GABBR2: variants seen among roughly 807,000 people sequenced by gnomAD.
The protein encoded by GABBR2 is G-protein coupled receptor 51.
Under a neutral mutation model 105.6 loss-of-function variants are expected in GABBR2, and 23 were observed. The observed-to-expected ratio is 0.22, with a 90% CI of 0.16 to 0.31. The LOEUF (loss-of-function observed/expected upper bound fraction) is 0.31. GABBR2 is among the 10% of genes least tolerant of loss of function. The pLI is 1.00. For synonymous variants in GABBR2, 478 were observed against 499.7 expected, an observed-to-expected ratio of 0.96 and a Z score of 0.58; for missense variants, 734 against 1,245.5, an observed-to-expected ratio of 0.59 and a Z score of 6.18.
rs890965993 is a variant in GABBR2, at chr9:98,388,658, T to TGC, written c.1529+195_1529+196insGC. ...GTGTGTGTGTGTGTGTGTGTGTGTG[T>TGC]GTGCGTGCACGCACACACACGTACT... On this transcript the variant is annotated intron_variant, in intron 10 of 18. Coordinates refer to ENST00000259455, the MANE Select transcript of GABBR2 (RefSeq NM_005458.8). The surrounding 1 kb of genome is among the most constrained non-coding windows in gnomAD (Gnocchi z 4.4). Among the ~76,000 whole-genome samples the TGC allele has an allele frequency of 4.4e-5, 6 of 135,766 alleles. No homozygotes were observed. Among genetic ancestry groups the TGC allele is most frequent in the African/African-American group, 1.7e-4 (6 of 36,284 alleles). The allele number at this position is 135,766 out of a possible 152,430, so 89.1% of individuals were successfully genotyped here.
At chr9:98,524,950 T>G (rs886626416) in intron 3 of GABBR2, among the ~76,000 whole-genome samples, 80 of 152,292 alleles carry the variant, frequency 5.3e-4, no homozygotes, top group African/African-American at 1.8e-3. Context: ...CCTGGAACAA[T>G]TGAATAGCTT....
intron 1 of GABBR2, among the ~76,000 whole-genome samples, chr9:98,701,387 T>C (rs1277575733): frequency 6.6e-6 from 1 of 152,142 alleles, no homozygotes; most frequent in Non-Finnish European, 1.5e-5. Flanking sequence ...TGCCCTCATA[T>C]TGGGGAGCTC....
In GABBR2 at chr9:98,660,325, A is replaced by G. The variant is rs74814252; in HGVS notation, c.321+48092T>C. Among the ~76,000 whole-genome samples the G allele has an allele frequency of 2.9e-3, 439 of 152,348 alleles. 8 individuals carry two copies. The East Asian group carries it at 0.039, about 13-fold the overall frequency. On this transcript the variant is annotated intron_variant, in intron 1 of 18. Transcript: ENST00000259455. ...CCAGAAAAGTTATATCAATTTACAC[A>G]ACACTTCCACCAGTATGAAAATACG...
chr9:98,389,546 C>T (rs1057177238), intron 9 of GABBR2, among the ~76,000 whole-genome samples: 2 of 152,246 alleles, frequency 1.3e-5, no homozygotes, highest in Admixed American at 6.5e-5. Context: ...CTCTATCTGG[C>T]TTTCTGTTTC....
At chr9:98,570,351 G>A (rs1408329184) in intron 2 of GABBR2, among the ~76,000 whole-genome samples, 2 of 152,358 alleles carry the variant, frequency 1.3e-5, no homozygotes, top group East Asian at 3.9e-4. Context: ...TCTGTGGGAT[G>A]CAGTTCTTGA....
At chr9:98,703,714 A>C (rs1051656822) in intron 1 of GABBR2, among the ~76,000 whole-genome samples, 1 of 150,978 alleles carries the variant, frequency 6.6e-6, no homozygotes, top group Non-Finnish European at 1.5e-5. Flanking sequence ...CTGGTCTTGA[A>C]CTCCTTGGCC....
At chr9:98,543,112 CCAGTT>C (rs1420820493) in intron 2 of GABBR2, among the ~76,000 whole-genome samples, 1 of 151,948 alleles carries the variant, frequency 6.6e-6, no homozygotes, top group Admixed American at 6.6e-5. Flanking sequence ...CTTTTAAGTG[CCAGTT>C]AAGTTGTTAA....
At chr9:98,413,304 G>C (rs1832622084) in intron 7 of GABBR2, among the ~76,000 whole-genome samples, 1 of 152,188 alleles carries the variant, frequency 6.6e-6, no homozygotes, top group Non-Finnish European at 1.5e-5. Flanking sequence ...CTTGTCAGGG[G>C]TTGCATAAAG....
chr9:98,490,013 A>C (rs1827142815), intron 4 of GABBR2, among the ~76,000 whole-genome samples: 1 of 152,188 alleles, frequency 6.6e-6, no homozygotes, highest in African/African-American at 2.4e-5. Context: ...GAATCACTTG[A>C]ACCCAGGAAG....
chr9:98,597,759 T>C (rs188300714), intron 1 of GABBR2, among the ~76,000 whole-genome samples: 117 of 151,844 alleles, frequency 7.7e-4, no homozygotes, highest in African/African-American at 2.6e-3. Context: ...AGGGGAAGGG[T>C]AGATGATTGG....
chr9:98,449,290 TC>T (rs1206735746), intron 7 of GABBR2, among the ~76,000 whole-genome samples: 1 of 152,198 alleles, frequency 6.6e-6, no homozygotes, highest in Non-Finnish European at 1.5e-5. Flanking sequence ...TAGCAATTGT[TC>T]CTCTACTTGT....
In GABBR2 at chr9:98,572,453, A is replaced by G. The variant is rs554176449; in HGVS notation, c.459+5482T>C. Reference sequence around the variant, plus strand: ...AAAGGGCCGCCAGAGCTCCTTTTCAATTACACAAATTCCATGCAGTTTTCC... The same window carrying G: ...AAAGGGCCGCCAGAGCTCCTTTTCAGTTACACAAATTCCATGCAGTTTTCC... On this transcript the variant is annotated intron_variant, in intron 2 of 18. Transcript: ENST00000259455. 2.6e-5 allele frequency among the ~76,000 whole-genome samples: 4 copies of G among 152,304 alleles called. No homozygotes were observed. In the East Asian group the frequency reaches 7.7e-4, roughly 29 times the overall value.
intron 7 of GABBR2, among the ~76,000 whole-genome samples, chr9:98,419,761 T>C (rs1832749829): frequency 6.6e-6 from 1 of 152,096 alleles, no homozygotes; most frequent in Non-Finnish European, 1.5e-5. Flanking sequence ...TTGTGTCTTG[T>C]TTTGTATGGG....
At chr9:98,417,224 CT>C (rs1159158826) in intron 7 of GABBR2, among the ~76,000 whole-genome samples, 2 of 152,188 alleles carry the variant, frequency 1.3e-5, no homozygotes, top group Non-Finnish European at 1.5e-5. Context: ...GGAGCAGGAT[CT>C]CTCAGGAAGA....
intron 1 of GABBR2, among the ~76,000 whole-genome samples, chr9:98,647,106 A>C (rs1830036017): frequency 6.6e-6 from 1 of 152,186 alleles, no homozygotes; most frequent in Admixed American, 6.5e-5. Flanking sequence ...CTTCTAAATA[A>C]ATTGAACAAA....
intron 4 of GABBR2, 37 bp from the exon 5 acceptor site, chr9:98,481,034 T>C (rs1319075425): frequency 3.2e-6 from 4 of 1,268,794 alleles, no homozygotes; most frequent in African/African-American, 1.5e-5. Flanking sequence ...GGTGAGTAGA[T>C]GTTCAGCACC....
intron 1 of GABBR2, among the ~76,000 whole-genome samples, chr9:98,611,418 C>G (rs1414748007): frequency 2.0e-5 from 3 of 152,064 alleles, no homozygotes; most frequent in Non-Finnish European, 4.4e-5. Flanking sequence ...ACAATGAAAA[C>G]TGCTATGGAT....
At chr9:98,403,595 C>T (rs925995280) in intron 8 of GABBR2, among the ~76,000 whole-genome samples, 14 of 152,068 alleles carry the variant, frequency 9.2e-5, no homozygotes, top group Non-Finnish European at 1.0e-4. Context: ...ACCTCCTATA[C>T]ATCACTAAGT....
At chr9:98,674,475 G>A (rs1830449460) in intron 1 of GABBR2, among the ~76,000 whole-genome samples, 2 of 152,016 alleles carry the variant, frequency 1.3e-5, no homozygotes, top group Admixed American at 1.3e-4. Flanking sequence ...AGTGAGGGTT[G>A]AGAGTGGGGG....
Sources: allele counts gnomAD v4.1 joint callset (sites outside exome capture counted in the v4.1 genomes callset), GRCh38; gene constraint gnomAD v4.1.1; non-coding constraint Gnocchi (gnomAD v3.1); transcripts MANE v1.5; gene names NCBI Gene and HGNC (gene_info 2026-07-23, HGNC 2026-07-21).